The following SPCS2 variants were observed in gnomAD, a reference collection of about 807,000 sequenced individuals.
The protein encoded by SPCS2 is SPase 25 kDa subunit.
Under a neutral mutation model 22.3 loss-of-function variants are expected in SPCS2, and 3 were observed. The observed-to-expected ratio is 0.13, with a 90% confidence interval of 0.06 to 0.35. The LOEUF (loss-of-function observed/expected upper bound fraction) is 0.35, where lower values mean the gene tolerates loss of function less well. Ranked by LOEUF, SPCS2 falls within the 10% of genes least tolerant of loss-of-function variation. The pLI is 1.00. For synonymous variants in SPCS2, 67 were observed against 97.2 expected (o/e 0.69, Z 1.83); for missense variants, 169 against 280.9 (o/e 0.60, Z 2.85).
At chr11:74,973,266 T>C (rs988757349) in intron 4 of SPCS2, among the ~76,000 whole-genome samples, 1 of 152,198 alleles carries the variant, frequency 6.6e-6, no homozygotes, top group Non-Finnish European at 1.5e-5. Context: ...TCTATGCCTC[T>C]TCTTTGCGGT....
chr11:74,956,911 G>A (rs1948482367), intron 1 of SPCS2, among the ~76,000 whole-genome samples: 1 of 151,678 alleles, frequency 6.6e-6, no homozygotes, highest in African/African-American at 2.4e-5. Flanking sequence ...GTTTTCACTG[G>A]GACACTCCAG....
At chr11:74,952,405 A>G (rs1948451907) in intron 1 of SPCS2, among the ~76,000 whole-genome samples, 1 of 152,204 alleles carries the variant, frequency 6.6e-6, no homozygotes, top group Non-Finnish European at 1.5e-5. Flanking sequence ...GGCTTGTTGT[A>G]AGGATCAAAT....
intron 4 of SPCS2, among the ~76,000 whole-genome samples, chr11:74,970,611 CCATA>C (rs1223181851): frequency 6.6e-6 from 1 of 152,132 alleles, no homozygotes; most frequent in Non-Finnish European, 1.5e-5. Flanking sequence ...AGCATCTGTG[CCATA>C]CAGACTGTCT....
chr11:74,969,344 C>G (rs974892900), intron 3 of SPCS2, among the ~76,000 whole-genome samples: 2 of 152,056 alleles, frequency 1.3e-5, no homozygotes, highest in Non-Finnish European at 2.9e-5. Context: ...TTCTTTTCTT[C>G]CTTTCTGAGG....
At chr11:74,960,700 C>T (rs745399641) in intron 1 of SPCS2, among the ~76,000 whole-genome samples, 3 of 152,100 alleles carry the variant, frequency 2.0e-5, no homozygotes, top group South Asian at 2.1e-4. Flanking sequence ...CCTGGCTTTA[C>T]CACTTTCTGC....
intron 1 of SPCS2, among the ~76,000 whole-genome samples, chr11:74,949,958 G>GT (rs1051488123): frequency 1.3e-5 from 2 of 151,980 alleles, no homozygotes; most frequent in Non-Finnish European, 2.9e-5. Context: ...TTTTCCTGTT[G>GT]TTTTTCCCCG....
intron 1 of SPCS2, among the ~76,000 whole-genome samples, chr11:74,954,892 G>GT (rs1275509822): frequency 1.3e-5 from 2 of 152,130 alleles, no homozygotes; most frequent in Non-Finnish European, 2.9e-5. Context: ...CAGCAACCTA[G>GT]TTTTTAAAAG....
At chr11:74,954,739 A>T (rs1948466871) in intron 1 of SPCS2, among the ~76,000 whole-genome samples, 1 of 152,226 alleles carries the variant, frequency 6.6e-6, no homozygotes, top group South Asian at 2.1e-4. Context: ...CAAAATAAAA[A>T]GTATGTGTGT....
At chr11:74,969,481 A>G in intron 3 of SPCS2, 84 bp from the exon 4 acceptor site, 1 of 1,332,414 alleles carries the variant, frequency 7.5e-7, no homozygotes, top group Non-Finnish European at 1.0e-6. Context: ...GACTATCATT[A>G]TGAAAGTTTT....
chr11:74,950,882 T>G (rs539136240), intron 1 of SPCS2, among the ~76,000 whole-genome samples: 11 of 152,246 alleles, frequency 7.2e-5, no homozygotes, highest in Non-Finnish European at 1.6e-4. Flanking sequence ...AAACATATTC[T>G]GGAGGTTGGG....
intron 1 of SPCS2, among the ~76,000 whole-genome samples, chr11:74,964,288 A>G (rs1277807560): frequency 1.3e-5 from 2 of 152,234 alleles, no homozygotes; most frequent in Non-Finnish European, 2.9e-5. Context: ...TTGAACTTCT[A>G]CATGAGCAGT....
At chr11:74,969,528 T>C (rs1948568404) in intron 3 of SPCS2, 37 bp from the exon 4 acceptor site, 1 of 1,598,034 alleles carries the variant, frequency 6.3e-7, no homozygotes, top group African/African-American at 1.3e-5. Context: ...TACTTCTCTT[T>C]TATGTTTGGG....
chr11:74,954,425 C>T (rs537956067), intron 1 of SPCS2, among the ~76,000 whole-genome samples: 28 of 152,188 alleles, frequency 1.8e-4, no homozygotes, highest in Admixed American at 7.2e-4. Flanking sequence ...TGCTAGCTAA[C>T]GTAGTAGTGG....
intron 1 of SPCS2, among the ~76,000 whole-genome samples, chr11:74,964,110 C>G (rs956343087): frequency 2.0e-5 from 3 of 152,162 alleles, no homozygotes; most frequent in Admixed American, 2.0e-4. Flanking sequence ...TTAACCAATC[C>G]CCTTGTAAAT....
In SPCS2 at chr11:74,976,319, A is replaced by T. The variant is rs146304640; in HGVS notation, c.495-538A>T. 1.4e-3 allele frequency among the ~76,000 whole-genome samples: 209 copies of T among 152,312 alleles called. 1 individual carries two copies. The highest frequency in any genetic ancestry group is 4.9e-3 in the African/African-American group (202 of 41,568). ...AAAGTAGTACACATCATGTCAACAGATAGGTAATTTTGTTGATACCATAAG... is the reference window on the plus strand; with the variant it reads ...AAAGTAGTACACATCATGTCAACAGTTAGGTAATTTTGTTGATACCATAAG... On this transcript the variant is annotated intron_variant, in intron 4 of 4. Transcript: ENST00000263672.
chr11:74,968,650 AG>A, intron 3 of SPCS2, among the ~76,000 whole-genome samples: 1 of 151,698 alleles, frequency 6.6e-6, no homozygotes, highest in Non-Finnish European at 1.5e-5. Flanking sequence ...CAGCCTCCTG[AG>A]TAGCAGGACT....
At chr11:74,969,812 T>A (rs969531495) in intron 4 of SPCS2, 113 bp downstream of exon 4, 2 of 1,251,304 alleles carry the variant, frequency 1.6e-6, no homozygotes, top group Non-Finnish European at 2.3e-6. Context: ...ATAGGGCTAG[T>A]CATATAAAAT....
chr11:74,972,352 C>T (rs1470506271), intron 4 of SPCS2, among the ~76,000 whole-genome samples: 1 of 152,200 alleles, frequency 6.6e-6, no homozygotes, highest in Admixed American at 6.5e-5. Flanking sequence ...GTGTGAGCCA[C>T]CACGCCCAGC....
rs530071031 is a variant in SPCS2 at position 74,970,135 on chromosome 11, A to G, written c.494+436A>G. On this transcript the variant is annotated intron_variant, in intron 4 of 4. Transcript: ENST00000263672. ...CTAGAGTCTGTTTCTGACCAGTGTC[A>G]GGTATAACTTTGTGCAGCTGACACA... Among the ~76,000 whole-genome samples, 192 of 152,324 alleles carry G rather than the reference A, an allele frequency of 1.3e-3. 1 individual carries two copies. Among genetic ancestry groups the G allele is most frequent in the Non-Finnish European group, 2.3e-3 (154 of 68,028 alleles).
Sources: gnomAD v4.1 joint callset for allele counts (sites outside exome capture counted in the v4.1 genomes callset) on GRCh38, gnomAD v4.1.1 for gene constraint, MANE v1.5 for transcripts, NCBI Gene and HGNC (gene_info 2026-07-23, HGNC 2026-07-21) for gene names.